The following SMAD2 variants were observed in gnomAD, a reference collection of about 807,000 sequenced individuals.
The protein encoded by SMAD2 is MAD homolog 2.
Under a neutral mutation model 64.4 loss-of-function variants are expected in SMAD2, and 8 were observed. The observed-to-expected ratio is 0.12, with a 90% CI of 0.07 to 0.22. SMAD2 has a LOEUF of 0.22. SMAD2 is among the 10% of genes least tolerant of loss of function. The pLI, the probability that SMAD2 is intolerant of heterozygous loss-of-function variation, is 1.00. For synonymous variants in SMAD2, 203 were observed against 195.8 expected (o/e 1.04, Z -0.31); for missense variants, 289 against 561.2 (o/e 0.51, Z 4.90).
At chr18:47,895,354 A>T (rs1339251459) in intron 2 of SMAD2, 1 of 152,252 alleles carries the variant, frequency 6.6e-6, no homozygotes, top group Non-Finnish European at 1.5e-5. Flanking sequence ...CGCAAGCATC[A>T]CAATCCGACC....
In SMAD2 at chr18:47,829,100, A is replaced by G. The variant is rs371994126; in HGVS notation, c.*12727T>C. On this transcript the variant is annotated 3_prime_UTR_variant, in exon 11 of 11. Transcript: ENST00000262160. ...AGCTTCCCTGTGAATGAGAACAGAA[A>G]AAGTTCAGGAGCCACCAGAGGATGT... 1.8e-4 allele frequency: 28 copies of G among 152,292 alleles called. No homozygotes were observed. The highest frequency in any genetic ancestry group is 6.0e-4 in the African/African-American group (25 of 41,542). 9.4% of individuals were successfully genotyped at this position (152,292 alleles called of 1,614,324 possible). A position where few individuals can be genotyped will look rare whatever the true frequency, so the allele number is the denominator to read the frequency against.
At position 47,830,972 on chromosome 18, in the gene SMAD2, A is replaced by G. The variant is rs1912967563; in HGVS notation, c.*10855T>C. 1 of 152,078 alleles carries G rather than the reference A, an allele frequency of 6.6e-6. No homozygotes were observed. Among genetic ancestry groups the G allele is most frequent in the Non-Finnish European group, 1.5e-5 (1 of 68,162 alleles). 9.4% of individuals were successfully genotyped at this position (152,078 alleles called of 1,614,324 possible). ...AGTTTCACTTAATACACACACACAC[A>G]CTAGGGTTTATATGTAGCAACTTCC... On this transcript the variant is annotated 3_prime_UTR_variant, in exon 11 of 11. Transcript: ENST00000262160.
rs1294820671 is a variant in SMAD2, at chr18:47,820,126, AC to A, written c.*21700del. ...ATGTCTGGATCATTTCCAAAAAAAA[AC>A]AATAAACTGCTGAAAATATTAGTTT... is the stretch of plus-strand genomic sequence containing the variant. On this transcript the variant is annotated 3_prime_UTR_variant, in exon 11 of 11. Coordinates refer to ENST00000262160, the MANE Select transcript of SMAD2 (RefSeq NM_005901.6). The A allele has an allele frequency of 2.0e-5, 3 of 152,214 alleles. No individual in the cohort carries two copies. Among genetic ancestry groups the A allele is most frequent in the African/African-American group, 4.8e-5 (2 of 41,464 alleles). The allele number at this position is 152,214 out of a possible 1,614,324, so 9.4% of individuals were successfully genotyped here.
At chr18:47,918,899 C>CA (rs1186123109) in intron 1 of SMAD2, among the ~76,000 whole-genome samples, 3 of 152,044 alleles carry the variant, frequency 2.0e-5, no homozygotes, top group Admixed American at 6.6e-5. Flanking sequence ...CAGTTCCAAA[C>CA]AGAGATGCAG....
Position 47,829,533 on chromosome 18 carries a change from C to T in SMAD2, c.*12294G>A, listed in dbSNP as rs1455795934. 1 of 152,098 alleles carries T rather than the reference C, an allele frequency of 6.6e-6. No homozygotes were observed. The highest frequency in any genetic ancestry group is 2.1e-4 in the South Asian group (1 of 4,832). The allele number at this position is 152,098 out of a possible 1,614,324, so 9.4% of individuals were successfully genotyped here. On this transcript the variant is annotated 3_prime_UTR_variant, in exon 11 of 11. Transcript: ENST00000262160. ...CAAGCCAGATTCTTAGGTATCTCTC[C>T]CTTTTGTAATTTTGATTCTGAAAAA...
In SMAD2 at chr18:47,930,573, G is replaced by A. The variant is rs2034970540; in HGVS notation, c.-266C>T. ...CCGGGCGCGCGGGAGGGTAGGGGAA[G>A]AGAGGGGAGGGGAGGGGAGGAGAGG... On this transcript the variant is annotated 5_prime_UTR_variant, in exon 1 of 11. Transcript: ENST00000262160. 2 of 149,452 alleles carry A rather than the reference G, an allele frequency of 1.3e-5. No individual in the cohort carries two copies. The highest frequency in any genetic ancestry group is 1.5e-5 in the Non-Finnish European group (1 of 66,978). The allele number at this position is 149,452 out of a possible 1,614,324, so 9.3% of individuals were successfully genotyped here. A position where few individuals can be genotyped will look rare whatever the true frequency, so the allele number is the denominator to read the frequency against.
At chr18:47,899,871 A>G (rs1291447462) in intron 1 of SMAD2, among the ~76,000 whole-genome samples, 4 of 152,180 alleles carry the variant, frequency 2.6e-5, no homozygotes, top group Admixed American at 2.6e-4. Context: ...AATATTTGCA[A>G]AAAGTAACAG....
Position 47,828,110 on chromosome 18 carries a change from G to C in SMAD2, c.*13717C>G, listed in dbSNP as rs1912831152. Reference sequence around the variant, plus strand: ...GACCGCCACCCCGTCTGGGAGGTGAGGAGCGTCTCTGCCCGGCCGCCCCGT... The same window carrying C: ...GACCGCCACCCCGTCTGGGAGGTGACGAGCGTCTCTGCCCGGCCGCCCCGT... On this transcript the variant is annotated 3_prime_UTR_variant, in exon 11 of 11. Transcript: ENST00000262160. 1 of 163,586 alleles carries C rather than the reference G, an allele frequency of 6.1e-6. No individual in the cohort carries two copies. The highest frequency in any genetic ancestry group is 1.3e-5 in the Non-Finnish European group (1 of 76,926). The allele number at this position is 163,586 out of a possible 1,614,324, so 10.1% of individuals were successfully genotyped here.
chr18:47,855,345 A>C (rs2030574171), intron 6 of SMAD2, among the ~76,000 whole-genome samples: 1 of 152,202 alleles, frequency 6.6e-6, no homozygotes. Flanking sequence ...GTGTAGACCT[A>C]AGTTTTCAAT....
rs1392270064 is a variant in SMAD2, at chr18:47,826,774, T to C, written c.*15053A>G. 1 of 152,220 alleles carries C rather than the reference T, an allele frequency of 6.6e-6. No homozygotes were observed. The highest frequency in any genetic ancestry group is 1.5e-5 in the Non-Finnish European group (1 of 68,050). The allele number at this position is 152,220 out of a possible 1,614,324, so 9.4% of individuals were successfully genotyped here. A position where few individuals can be genotyped will look rare whatever the true frequency, so the allele number is the denominator to read the frequency against. On this transcript the variant is annotated 3_prime_UTR_variant, in exon 11 of 11. Coordinates refer to ENST00000262160, the MANE Select transcript of SMAD2 (RefSeq NM_005901.6). ...TTTAACATCACATTTACAAACTTTC[T>C]TAGAGAAAGATTTGTTATTAGCAAA...
Position 47,811,465 on chromosome 18 carries a change from G to C in SMAD2, c.*30362C>G, listed in dbSNP as rs1481490436. The C allele has an allele frequency of 1.9e-5, 2 of 103,714 alleles. No individual in the cohort carries two copies. The highest frequency in any genetic ancestry group is 3.6e-5 in the African/African-American group (1 of 27,460). The allele number at this position is 103,714 out of a possible 1,614,324, so 6.4% of individuals were successfully genotyped here. On this transcript the variant is annotated 3_prime_UTR_variant, in exon 11 of 11. Transcript: ENST00000262160. ...AGCCTGGGCGACAGAGCGAGACCTC[G>C]TCTCAAAAAAAAAAAAAAAAAAAAG...
chr18:47,917,489 T>C (rs2034382524), intron 1 of SMAD2, among the ~76,000 whole-genome samples: 1 of 152,220 alleles, frequency 6.6e-6, no homozygotes, highest in African/African-American at 2.4e-5. Context: ...GCTTATTTTC[T>C]ACCATCTTAT....
chr18:47,878,290 T>C (rs1229373886), intron 2 of SMAD2: 2 of 152,178 alleles, frequency 1.3e-5, no homozygotes, highest in African/African-American at 4.8e-5. Flanking sequence ...CCAAATAATG[T>C]CCAGATATGT....
In SMAD2 at chr18:47,840,129, C is replaced by CAT. The variant is rs1568029203; in HGVS notation, c.*1696_*1697dup. The CAT allele has an allele frequency of 8.6e-6, 2 of 232,950 alleles. No individual in the cohort carries two copies. The highest frequency in any genetic ancestry group is 4.4e-5 in the African/African-American group (2 of 45,300). 14.4% of individuals were successfully genotyped at this position (232,950 alleles called of 1,614,324 possible). On this transcript the variant is annotated 3_prime_UTR_variant, in exon 11 of 11. Coordinates refer to ENST00000262160, the MANE Select transcript of SMAD2 (RefSeq NM_005901.6). ...TATACCAAATTTACATGAACACATA[C>CAT]ATATACACACAAATATAGGAAAATG... is the stretch of plus-strand genomic sequence containing the variant.
At position 47,835,255 on chromosome 18, in the gene SMAD2, C is replaced by CA. The variant is rs1391107728; in HGVS notation, c.*6571dup. ...TACCAATTTGGGTTCTATATTTTGT[C>CA]AAACAGTTGGGTTTTTAAAAAAATT... On this transcript the variant is annotated 3_prime_UTR_variant, in exon 11 of 11. Coordinates refer to ENST00000262160, the MANE Select transcript of SMAD2 (RefSeq NM_005901.6). 4.6e-6 allele frequency: 1 copy of CA among 215,612 alleles called. No individual in the cohort carries two copies. The highest frequency in any genetic ancestry group is 2.3e-5 in the African/African-American group (1 of 44,302). The allele number at this position is 215,612 out of a possible 1,614,324, so 13.4% of individuals were successfully genotyped here.
chr18:47,859,491 A>T (rs2030996860), intron 6 of SMAD2, among the ~76,000 whole-genome samples: 1 of 152,210 alleles, frequency 6.6e-6, no homozygotes, highest in Admixed American at 6.5e-5. Context: ...CTGTTAACAG[A>T]ATTAAATTAG....
At chr18:47,898,450 A>AAT in intron 1 of SMAD2, among the ~76,000 whole-genome samples, 2 of 152,344 alleles carry the variant, frequency 1.3e-5, no homozygotes, top group South Asian at 4.1e-4. Context: ...AAACATTTTT[A>AAT]AAGGAAAAAA....
At position 47,841,818 on chromosome 18, in the gene SMAD2, G is replaced by A. The variant is rs1255253494; in HGVS notation, c.*9C>T. ...TTAAGTCTTTTCATGGGACTTGATT[G>A]GTGAAGCTTTATGACATGCTTGAGC... On this transcript the variant is annotated 3_prime_UTR_variant, in exon 11 of 11. Coordinates refer to ENST00000262160, the MANE Select transcript of SMAD2 (RefSeq NM_005901.6). 6.2e-7 allele frequency: 1 copy of A among 1,613,922 alleles called. No individual in the cohort carries two copies. Among genetic ancestry groups the A allele is most frequent in the Admixed American group, 1.7e-5 (1 of 60,006 alleles).
intron 2 of SMAD2, among the ~76,000 whole-genome samples, chr18:47,881,833 T>C (rs772363225): frequency 8.5e-5 from 13 of 152,178 alleles, no homozygotes; most frequent in Non-Finnish European, 1.6e-4. Flanking sequence ...GGTGATCTTA[T>C]AGTTTCCCTC....
Sources: gnomAD v4.1 joint callset for allele counts (sites outside exome capture counted in the v4.1 genomes callset) on GRCh38, gnomAD v4.1.1 for gene constraint, MANE v1.5 for transcripts, NCBI Gene and HGNC (gene_info 2026-07-23, HGNC 2026-07-21) for gene names.